The following ZRANB1 variants were observed in gnomAD, a reference collection of about 807,000 sequenced individuals.
The protein encoded by ZRANB1 is zinc finger RANBP2-type containing 1, also known as ubiquitin thioesterase ZRANB1.
A neutral mutation model predicts 80.5 loss-of-function variants in ZRANB1; 16 were observed. The observed-to-expected ratio is 0.20, with a 90% CI of 0.13 to 0.30. The LOEUF (loss-of-function observed/expected upper bound fraction) is 0.30, where lower values mean the gene tolerates loss of function less well. ZRANB1 is among the 10% of genes least tolerant of loss of function. The pLI, the probability that ZRANB1 is intolerant of heterozygous loss-of-function variation, is 1.00. For missense variants in ZRANB1, 576 were observed against 862.6 expected, an observed-to-expected ratio of 0.67 and a Z score of 4.16; for synonymous variants, 291 against 293.1, an observed-to-expected ratio of 0.99 and a Z score of 0.07.
the ZRANB1 span, among the ~76,000 whole-genome samples, chr10:124,936,807 T>C: frequency 6.6e-6 from 1 of 152,236 alleles, no homozygotes; most frequent in African/African-American, 2.4e-5. Context: ...AAATCCGTTT[T>C]AGTTTTAGCT....
Position 124,972,126 on chromosome 10 carries a change from C to G in ZRANB1, c.1156+8C>G, listed in dbSNP as rs758430289. On this transcript the variant is annotated splice_region_variant and intron_variant, in intron 3 of 8. Transcript: ENST00000359653. ...CATTTACATTGCCAGCAGGTAACTC[C>G]AAAATCTAACGTAAAAAGACTTTTT... The G allele has an allele frequency of 6.2e-7, 1 of 1,606,552 alleles. No homozygotes were observed. The highest frequency in any genetic ancestry group is 1.1e-5 in the South Asian group (1 of 89,066).
At position 124,942,884 on chromosome 10, in the gene ZRANB1, G is replaced by A; in HGVS notation, c.391G>A (p.Ala131Thr). 6.2e-7 allele frequency: 1 copy of A among 1,614,208 alleles called. No individual in the cohort carries two copies. The highest frequency in any genetic ancestry group is 8.5e-7 in the Non-Finnish European group (1 of 1,180,038). Residue 131 changes from alanine (A) to threonine (T), a missense_variant, in exon 1 of 9, where the codon GCT (alanine) becomes ACT (threonine). By Grantham distance (58) the Ala-to-Thr change is moderately conservative. Coordinates refer to ENST00000359653, the MANE Select transcript of ZRANB1 (RefSeq NM_017580.3). Reference sequence around the variant, plus strand: ...CTCAGGATCTGGCTCAAGACCAGTTGCTTTTTCTGTTGATCCTTGTGAGGA... The same window carrying A: ...CTCAGGATCTGGCTCAAGACCAGTTACTTTTTCTGTTGATCCTTGTGAGGA... ...QSSGSGSRPVAFSVDPCEEYN... is the reference protein window; with the variant it reads ...QSSGSGSRPVTFSVDPCEEYN...
rs2134241833 is a variant in ZRANB1, at chr10:124,942,986, A to G, written c.493A>G (p.Lys165Glu). The change falls in exon 1 of 9, where the codon AAG becomes GAG. Residue 165 changes from lysine (K) to glutamate (E), a missense_variant. Coordinates refer to ENST00000359653, the MANE Select transcript of ZRANB1 (RefSeq NM_017580.3). ...CSVCTYENWA[K>E]AKRCVVCDHP... ...TGTTTGCACATATGAAAACTGGGCC[A>G]AGGCTAAAAGATGTGTTGTTTGTGA... 10 of 1,614,248 alleles carry G rather than the reference A, an allele frequency of 6.2e-6. No individual in the cohort carries two copies. Among genetic ancestry groups the G allele is most frequent in the Non-Finnish European group, 8.5e-6 (10 of 1,180,042 alleles).
At chr10:124,922,688 G>T in the ZRANB1 span, among the ~76,000 whole-genome samples, 1 of 151,098 alleles carries the variant, frequency 6.6e-6, no homozygotes, top group Non-Finnish European at 1.5e-5. Flanking sequence ...TAGAGATGGG[G>T]TGTCACCGTG....
intron 1 of ZRANB1, among the ~76,000 whole-genome samples, chr10:124,950,588 G>A (rs1243525059): frequency 6.6e-6 from 1 of 152,042 alleles, no homozygotes; most frequent in Non-Finnish European, 1.5e-5. Flanking sequence ...AATTGTATTT[G>A]GGCCTCTTGC....
chr10:124,947,221 C>T (rs1951592938), intron 1 of ZRANB1, among the ~76,000 whole-genome samples: 1 of 152,110 alleles, frequency 6.6e-6, no homozygotes, highest in African/African-American at 2.4e-5. Context: ...GGTTGAGAAC[C>T]AGGGTGGTAA....
At chr10:124,943,950 T>C (rs1951558902) in intron 1 of ZRANB1, among the ~76,000 whole-genome samples, 2 of 152,220 alleles carry the variant, frequency 1.3e-5, no homozygotes. Context: ...TTGAAAATAC[T>C]GGTGTTAATT....
chr10:124,954,665 C>G (rs539866909), intron 1 of ZRANB1, among the ~76,000 whole-genome samples: 1 of 149,426 alleles, frequency 6.7e-6, no homozygotes, highest in Non-Finnish European at 1.5e-5. Context: ...CCAGGCTGGT[C>G]TCGAACTCCT....
intron 1 of ZRANB1, among the ~76,000 whole-genome samples, chr10:124,947,991 T>C (rs1951598720): frequency 6.6e-6 from 1 of 152,202 alleles, no homozygotes; most frequent in African/African-American, 2.4e-5. Flanking sequence ...CTACATGCTC[T>C]GTATTGCACA....
chr10:124,919,915 C>G, the ZRANB1 span, among the ~76,000 whole-genome samples: 1 of 118,556 alleles, frequency 8.4e-6, no homozygotes, highest in African/African-American at 3.5e-5. Flanking sequence ...CCGGCCCCCC[C>G]CCCCCCTTTT....
intron 6 of ZRANB1, among the ~76,000 whole-genome samples, chr10:124,982,540 C>G (rs1951945804): frequency 6.6e-6 from 1 of 152,188 alleles, no homozygotes; most frequent in Non-Finnish European, 1.5e-5. Context: ...TGAAGCACTT[C>G]AGTATACCAA....
chr10:124,970,775 C>A (rs1951817387), intron 2 of ZRANB1, among the ~76,000 whole-genome samples: 1 of 151,100 alleles, frequency 6.6e-6, no homozygotes. Context: ...GATAATCGTC[C>A]AGGTTGGTGA....
At chr10:124,949,517 ACACAC>A (rs1182586811) in intron 1 of ZRANB1, among the ~76,000 whole-genome samples, 33 of 109,376 alleles carry the variant, frequency 3.0e-4, no homozygotes, top group East Asian at 2.8e-3. Flanking sequence ...ACACACACAC[ACACAC>A]ATTTTTTTTT....
intron 5 of ZRANB1, among the ~76,000 whole-genome samples, chr10:124,978,512 T>C (rs1432536254): frequency 6.6e-6 from 1 of 152,198 alleles, no homozygotes; most frequent in Non-Finnish European, 1.5e-5. Flanking sequence ...GGTTCTCAAG[T>C]CTGAATATAT....
chr10:124,984,474 G>A (rs1186378194), intron 8 of ZRANB1: 2 of 313,184 alleles, frequency 6.4e-6, no homozygotes, highest in Non-Finnish European at 1.2e-5. Flanking sequence ...GTTTGAAGCT[G>A]TGGCTTGCCA....
At chr10:124,953,713 T>C (rs1454448176) in intron 1 of ZRANB1, among the ~76,000 whole-genome samples, 1 of 152,228 alleles carries the variant, frequency 6.6e-6, no homozygotes, top group East Asian at 1.9e-4. Flanking sequence ...TTAGAACTTT[T>C]CCTGTTCTGT....
At chr10:124,928,715 C>T in the ZRANB1 span, among the ~76,000 whole-genome samples, 5 of 152,290 alleles carry the variant, frequency 3.3e-5, no homozygotes, top group African/African-American at 9.6e-5. Context: ...GTTCTATTTA[C>T]GCTCTAGTGT....
At chr10:124,927,792 T>A in the ZRANB1 span, among the ~76,000 whole-genome samples, 2 of 152,306 alleles carry the variant, frequency 1.3e-5, no homozygotes, top group East Asian at 1.9e-4. Flanking sequence ...ATCCCAGCAC[T>A]TTGGGAGGCT....
rs1370151559 is a variant in ZRANB1, at chr10:124,986,361, CCTT to C, written c.*1370_*1372del. 6.6e-6 allele frequency: 1 copy of C among 151,374 alleles called. No homozygotes were observed. Among genetic ancestry groups the C allele is most frequent in the Non-Finnish European group, 1.5e-5 (1 of 67,808 alleles). 9.4% of individuals were successfully genotyped at this position (151,374 alleles called of 1,614,324 possible). A position where few individuals can be genotyped will look rare whatever the true frequency, so the allele number is the denominator to read the frequency against. ...CCTGTGATGAAAAAGGCTGTGAAAA[CCTT>C]AAAGTATTTGCTTGCTTCTTGTTTT... On this transcript the variant is annotated 3_prime_UTR_variant, in exon 9 of 9. Coordinates refer to ENST00000359653, the MANE Select transcript of ZRANB1 (RefSeq NM_017580.3).
Sources: allele counts gnomAD v4.1 joint callset (sites outside exome capture counted in the v4.1 genomes callset), GRCh38; gene constraint gnomAD v4.1.1; transcripts MANE v1.5; gene names NCBI Gene and HGNC (gene_info 2026-07-23, HGNC 2026-07-21).